The following CARNMT1 variants were observed in gnomAD, a reference collection of about 807,000 sequenced individuals.
CARNMT1 encodes the protein carnosine N-methyltransferase 1.
A neutral mutation model predicts 49.6 loss-of-function variants in CARNMT1; 28 were observed. That is an observed-to-expected ratio of 0.56 (90% CI 0.42 to 0.77). The LOEUF (loss-of-function observed/expected upper bound fraction) is 0.77. Ranked by LOEUF, CARNMT1 falls within the 30% of genes least tolerant of loss-of-function variation. CARNMT1 has a pLI of 0.00. For missense variants in CARNMT1, 421 were observed against 512.6 expected (o/e 0.82, Z 1.73); for synonymous variants, 178 against 175.0 (o/e 1.02, Z -0.13).
chr9:74,984,938 T>G lies in CARNMT1; in HGVS notation c.1097A>C (p.Asn366Thr), dbSNP rs1832786548. 1.2e-6 allele frequency: 2 copies of G among 1,613,562 alleles called. No homozygotes were observed. The highest frequency in any genetic ancestry group is 1.7e-6 in the Non-Finnish European group (2 of 1,179,784). The part of the protein sequence containing the change: ...SIELSYEDIK[N>T]VVLQYGFKVE... ...CTTGAATCCATACTGCAGAACAACG[T>G]TTTTTATATCCTCATAGCTCAATTC... is the stretch of plus-strand genomic sequence containing the variant. Residue 366 changes from asparagine (N) to threonine (T), a missense_variant, in exon 7 of 8, where the codon AAC (asparagine) becomes ACC (threonine). Transcript: ENST00000376834.
intron 3 of CARNMT1, among the ~76,000 whole-genome samples, chr9:75,009,248 TA>T (rs1052281791): frequency 2.6e-5 from 4 of 152,022 alleles, no homozygotes; most frequent in Admixed American, 1.3e-4. Flanking sequence ...ACTTTAGAGG[TA>T]AGTCTTTGCA....
chr9:75,004,907 T>C (rs1046199986), intron 3 of CARNMT1, among the ~76,000 whole-genome samples: 9 of 152,218 alleles, frequency 5.9e-5, no homozygotes, highest in African/African-American at 2.2e-4. Flanking sequence ...CTAAAAAATA[T>C]AGTCCAGCAA....
chr9:74,999,973 T>C (rs1833306447), intron 3 of CARNMT1, 103 bp from the exon 4 acceptor site: 1 of 1,055,614 alleles, frequency 9.5e-7, no homozygotes, highest in African/African-American at 1.6e-5. Flanking sequence ...TCAATAAGAA[T>C]AAGCTAAGAC....
rs982562206 is a variant in CARNMT1 at position 74,983,437 on chromosome 9, C to T, written c.*330G>A. 4.4e-5 allele frequency: 8 copies of T among 182,638 alleles called. No homozygotes were observed. The highest frequency in any genetic ancestry group is 6.1e-5 in the Admixed American group (1 of 16,428). 11.3% of individuals were successfully genotyped at this position (182,638 alleles called of 1,614,324 possible). On this transcript the variant is annotated 3_prime_UTR_variant, in exon 8 of 8. Transcript: ENST00000376834. ...ACTTCAATACTATTAGTCATTAATT[C>T]GGCAGACTTGCAATGGACAGCATCA...
chr9:74,996,266 C>T (rs975209656), intron 6 of CARNMT1, 181 bp downstream of exon 6: 1 of 492,784 alleles, frequency 2.0e-6, no homozygotes, highest in African/African-American at 2.0e-5. Flanking sequence ...AACTTCTGAG[C>T]TTCCACTGCC....
In CARNMT1 at chr9:75,019,106, T is replaced by C. The variant is rs948299525; in HGVS notation, c.231-1658A>G. Reference sequence around the variant, plus strand: ...GTGGAATGCAGCGAAATGAGTAAATTACAGCTCATACAATAATATGTGAAG... The same window carrying C: ...GTGGAATGCAGCGAAATGAGTAAATCACAGCTCATACAATAATATGTGAAG... On this transcript the variant is annotated intron_variant, in intron 1 of 7. Coordinates refer to ENST00000376834, the MANE Select transcript of CARNMT1 (RefSeq NM_152420.3). Among the ~76,000 whole-genome samples, 6 of 152,166 alleles carry C rather than the reference T, an allele frequency of 3.9e-5. 1 individual carries two copies. Among genetic ancestry groups the C allele is most frequent in the African/African-American group, 1.4e-4 (6 of 41,458 alleles).
At chr9:75,005,455 T>G (rs1410128309) in intron 3 of CARNMT1, among the ~76,000 whole-genome samples, 1 of 151,434 alleles carries the variant, frequency 6.6e-6, no homozygotes, top group African/African-American at 2.4e-5. Flanking sequence ...ATTTTACACA[T>G]ATTTCATTAA....
chr9:75,027,847 G>A (rs1322466417), intron 1 of CARNMT1, among the ~76,000 whole-genome samples, 165 bp downstream of exon 1: 1 of 152,140 alleles, frequency 6.6e-6, no homozygotes, highest in Non-Finnish European at 1.5e-5. Flanking sequence ...GGGAGGGGCT[G>A]GGGTGGTGCG....
intron 3 of CARNMT1, among the ~76,000 whole-genome samples, chr9:75,014,877 T>C (rs1012252301): frequency 6.6e-6 from 1 of 151,226 alleles, no homozygotes; most frequent in African/African-American, 2.4e-5. Context: ...AAATAAAATG[T>C]CCTAACAAAA....
At chr9:74,987,801 T>TAA (rs571992743) in intron 6 of CARNMT1, among the ~76,000 whole-genome samples, 1 of 147,992 alleles carries the variant, frequency 6.8e-6, no homozygotes, top group Non-Finnish European at 1.5e-5. Flanking sequence ...AAATCCAACT[T>TAA]AAAAAAAAAA....
upstream of CARNMT1, chr9:75,028,409 G>C: frequency 7.8e-7 from 1 of 1,290,170 alleles, no homozygotes; most frequent in Non-Finnish European, 9.8e-7. Context: ...GGCTCCGCCA[G>C]GTCTTCAGGG....
intron 7 of CARNMT1, 22 bp from the exon 8 acceptor site, chr9:74,983,890 T>C (rs1292390455): frequency 6.5e-7 from 1 of 1,540,182 alleles, no homozygotes; most frequent in Middle Eastern, 1.7e-4. Context: ...ACAATAATCA[T>C]AATACTATGA....
At chr9:75,021,754 GA>G (rs937498318) in intron 1 of CARNMT1, among the ~76,000 whole-genome samples, 6 of 151,946 alleles carry the variant, frequency 3.9e-5, no homozygotes, top group African/African-American at 1.4e-4. Context: ...AATATAGCAA[GA>G]CCATCCTCTC....
chr9:74,995,714 A>C (rs1420759298), intron 6 of CARNMT1, among the ~76,000 whole-genome samples: 1 of 152,204 alleles, frequency 6.6e-6, no homozygotes, highest in Non-Finnish European at 1.5e-5. Context: ...CCTTTTATGT[A>C]GTATAATAAT....
chr9:74,995,253 T>C (rs903221217), intron 6 of CARNMT1, among the ~76,000 whole-genome samples: 1 of 152,172 alleles, frequency 6.6e-6, no homozygotes, highest in Non-Finnish European at 1.5e-5. Flanking sequence ...TTGCCACATG[T>C]AAGCTACAGG....
chr9:75,011,209 T>A (rs1372793093), intron 3 of CARNMT1, among the ~76,000 whole-genome samples: 1 of 152,174 alleles, frequency 6.6e-6, no homozygotes, highest in Non-Finnish European at 1.5e-5. Context: ...ACACTGCCAG[T>A]AGACAGACAA....
chr9:74,987,996 G>A (rs1832895211), intron 6 of CARNMT1, among the ~76,000 whole-genome samples: 1 of 152,084 alleles, frequency 6.6e-6, no homozygotes, highest in African/African-American at 2.4e-5. Flanking sequence ...ATATGAAGAT[G>A]AATAACAGAG....
intron 3 of CARNMT1, 36 bp downstream of exon 3, chr9:75,016,231 AC>A: frequency 6.7e-7 from 1 of 1,487,688 alleles, no homozygotes; most frequent in Admixed American, 1.8e-5. Context: ...GTGTTCATAC[AC>A]TTTAAAAACT....
In CARNMT1 at chr9:74,998,656, A is replaced by G; in HGVS notation, c.852T>C (p.Pro284=). ...FFPDVDPHSL[P]PGSNFSMTAG... is the part of the protein sequence containing the mutation. ...CTGTCATAGAAAAGTTAGAACCAGG[A>G]GGAAGACTGTGGGGGTCAACATCAG... Residue 284 remains proline, a synonymous_variant, in exon 5 of 8, where the codon CCT becomes CCC. Coordinates refer to ENST00000376834, the MANE Select transcript of CARNMT1 (RefSeq NM_152420.3). 1 of 1,607,780 alleles carries G rather than the reference A, an allele frequency of 6.2e-7. No homozygotes were observed. Among genetic ancestry groups the G allele is most frequent in the Non-Finnish European group, 8.5e-7 (1 of 1,177,004 alleles).
Sources: gnomAD v4.1 joint callset for allele counts (sites outside exome capture counted in the v4.1 genomes callset) on GRCh38, gnomAD v4.1.1 for gene constraint, MANE v1.5 for transcripts, NCBI Gene and HGNC (gene_info 2026-07-23, HGNC 2026-07-21) for gene names.